EYA1: variants seen among roughly 807,000 people sequenced by gnomAD.
EYA1 encodes the protein EYA transcriptional coactivator and phosphatase 1.
Under a neutral mutation model 82.0 loss-of-function variants are expected in EYA1, and 16 were observed. The observed-to-expected ratio is 0.20, with a 90% CI of 0.13 to 0.30. The LOEUF (loss-of-function observed/expected upper bound fraction) is 0.30. Among genes scored for constraint, EYA1 ranks in the 10% least tolerant of loss-of-function variants. EYA1 has a pLI of 1.00. For synonymous variants in EYA1, 261 were observed against 264.4 expected (o/e 0.99, Z 0.12); for missense variants, 633 against 730.7 (o/e 0.87, Z 1.54).
At chr8:71,335,489 A>G (rs188375603) in intron 3 of EYA1, among the ~76,000 whole-genome samples, 28 of 152,340 alleles carry the variant, frequency 1.8e-4, no homozygotes, top group Admixed American at 1.5e-3. Flanking sequence ...GAAAACAACA[A>G]TCGTGAGACT....
intron 2 of EYA1, among the ~76,000 whole-genome samples, chr8:71,397,802 G>C (rs1829717742): frequency 6.6e-6 from 1 of 151,934 alleles, no homozygotes; most frequent in Admixed American, 6.6e-5. Context: ...TCTCTGTGGT[G>C]TTCTCTGTAT....
intron 16 of EYA1, among the ~76,000 whole-genome samples, chr8:71,214,186 TC>T (rs1309188781): frequency 6.6e-6 from 1 of 152,250 alleles, no homozygotes; most frequent in African/African-American, 2.4e-5. Flanking sequence ...GCTAGAATGC[TC>T]ATACCCCTTC....
At chr8:71,248,633 G>A (rs1378988725) in intron 11 of EYA1, among the ~76,000 whole-genome samples, 2 of 152,152 alleles carry the variant, frequency 1.3e-5, no homozygotes, top group African/African-American at 2.4e-5. Flanking sequence ...CACCCTGAGT[G>A]TTTTACCCAA....
chr8:71,463,156 A>T (rs986143345), intron 2 of EYA1, among the ~76,000 whole-genome samples: 8 of 152,208 alleles, frequency 5.3e-5, no homozygotes, highest in Non-Finnish European at 7.3e-5. Flanking sequence ...TTTGGGACTA[A>T]CCACATTTCA....
chr8:71,206,678 G>A (rs1211356106), intron 17 of EYA1, among the ~76,000 whole-genome samples: 1 of 148,076 alleles, frequency 6.8e-6, no homozygotes, highest in Admixed American at 6.7e-5. Context: ...TCCTTCATAG[G>A]ATTATGAGGA....
chr8:71,350,088 A>G (rs142893259), intron 3 of EYA1, among the ~76,000 whole-genome samples: 237 of 152,316 alleles, frequency 1.6e-3, no homozygotes, highest in African/African-American at 5.5e-3. Context: ...TTTATTCACA[A>G]TGTCCCTTAA....
chr8:71,362,147 G>C (rs572141616), upstream of EYA1: 8 of 974,556 alleles, frequency 8.2e-6, no homozygotes, highest in East Asian at 1.2e-4. Context: ...ATGGAGCCTC[G>C]GGGCTTTCTT....
chr8:71,513,103 A>G (rs1410976598), intron 2 of EYA1, among the ~76,000 whole-genome samples: 2 of 152,172 alleles, frequency 1.3e-5, no homozygotes, highest in Non-Finnish European at 2.9e-5. Flanking sequence ...CCTTTTAAGT[A>G]TGAAGGTAAT....
intron 12 of EYA1, chr8:71,225,122 C>G: frequency 2.8e-6 from 1 of 353,430 alleles, no homozygotes; most frequent in Admixed American, 3.2e-5. Context: ...AGGAGACTGC[C>G]CAACTGATGT....
chr8:71,391,424 A>G (rs73294251), intron 2 of EYA1, among the ~76,000 whole-genome samples: 52 of 152,218 alleles, frequency 3.4e-4, no homozygotes, highest in African/African-American at 1.3e-3. Flanking sequence ...TTGTTCCAAG[A>G]TCTCTGTTAT....
intron 9 of EYA1, among the ~76,000 whole-genome samples, chr8:71,278,827 G>A (rs1203224941): frequency 6.6e-6 from 1 of 152,164 alleles, no homozygotes; most frequent in Non-Finnish European, 1.5e-5. Context: ...TTACACCCCA[G>A]GGACTACATA....
chr8:71,273,479 G>A (rs1193936930), intron 9 of EYA1, among the ~76,000 whole-genome samples: 1 of 152,190 alleles, frequency 6.6e-6, no homozygotes, highest in East Asian at 1.9e-4. Flanking sequence ...TCCTTAAGAT[G>A]TTCCAAACTG....
intron 2 of EYA1, among the ~76,000 whole-genome samples, chr8:71,513,644 T>C (rs552678347): frequency 2.0e-5 from 3 of 152,190 alleles, no homozygotes; most frequent in Non-Finnish European, 4.4e-5. Context: ...AAATATACAA[T>C]TAAGTTATCA....
At chr8:71,379,094 T>C (rs1047630230) in intron 2 of EYA1, among the ~76,000 whole-genome samples, 2 of 151,974 alleles carry the variant, frequency 1.3e-5, no homozygotes, top group Non-Finnish European at 2.9e-5. Flanking sequence ...AGTGGGTACA[T>C]GAAAGTGCAG....
chr8:71,222,478 C>T (rs1810049824), intron 12 of EYA1, among the ~76,000 whole-genome samples: 1 of 152,222 alleles, frequency 6.6e-6, no homozygotes, highest in Non-Finnish European at 1.5e-5. Context: ...AGAGATTCAT[C>T]ATCCCTTGAT....
At chr8:71,465,297 G>T (rs1387071730) in intron 2 of EYA1, among the ~76,000 whole-genome samples, 1 of 152,160 alleles carries the variant, frequency 6.6e-6, no homozygotes, top group Non-Finnish European at 1.5e-5. Flanking sequence ...AACAAGATTT[G>T]TAACTGGCCA....
intron 12 of EYA1, among the ~76,000 whole-genome samples, chr8:71,222,980 T>C (rs1385393184): frequency 1.3e-5 from 2 of 152,192 alleles, no homozygotes; most frequent in Non-Finnish European, 2.9e-5. Context: ...GGAGCATGGA[T>C]GTGGGTCCTT....
intron 2 of EYA1, among the ~76,000 whole-genome samples, chr8:71,523,424 C>G (rs1204346907): frequency 6.6e-6 from 1 of 151,918 alleles, no homozygotes; most frequent in African/African-American, 2.4e-5. Context: ...GTGATCCACC[C>G]GCCTCGGCCT....
At chr8:71,316,567 GATA>G (rs1326231623) in intron 7 of EYA1, among the ~76,000 whole-genome samples, 2 of 152,178 alleles carry the variant, frequency 1.3e-5, no homozygotes, top group East Asian at 1.9e-4. Flanking sequence ...ATATCATAAT[GATA>G]ATAATAAATG....
Sources: gnomAD v4.1 joint callset for allele counts (sites outside exome capture counted in the v4.1 genomes callset) on GRCh38, gnomAD v4.1.1 for gene constraint, MANE v1.5 for transcripts, NCBI Gene and HGNC (gene_info 2026-07-23, HGNC 2026-07-21) for gene names.